EPHA6: variants seen among roughly 807,000 people sequenced by gnomAD.
The protein encoded by EPHA6 is ephrin type-A receptor 6.
A neutral mutation model predicts 112.0 loss-of-function variants in EPHA6; 50 were observed. The ratio of observed to expected loss-of-function variants is 0.45; its 90% CI spans 0.36 to 0.56. The LOEUF (loss-of-function observed/expected upper bound fraction) is 0.56. EPHA6 is among the 20% of genes least tolerant of loss of function. The pLI, the probability that EPHA6 is intolerant of heterozygous loss-of-function variation, is 0.00. For synonymous variants in EPHA6, 529 were observed against 490.7 expected (o/e 1.08, Z -1.03); for missense variants, 1,280 against 1,417.4 (o/e 0.90, Z 1.56).
chr3:97,371,946 G>T (rs911619753), intron 5 of EPHA6, among the ~76,000 whole-genome samples: 53 of 152,108 alleles, frequency 3.5e-4, no homozygotes, highest in Middle Eastern at 3.2e-3. Flanking sequence ...GGTCAGAACG[G>T]TTGTCTGCTC....
intron 3 of EPHA6, among the ~76,000 whole-genome samples, chr3:97,096,723 ATAAT>A (rs1238924259): frequency 6.6e-6 from 1 of 151,960 alleles, no homozygotes; most frequent in Non-Finnish European, 1.5e-5. Flanking sequence ...TAAGTTTTGA[ATAAT>A]AAGGAGTGGT....
intron 16 of EPHA6, among the ~76,000 whole-genome samples, chr3:97,737,229 A>G (rs57982436): frequency 0.067 from 10,240 of 152,118 alleles, 1,094 homozygotes; most frequent in African/African-American, 0.23. Context: ...CAGCCATGGA[A>G]GGATTTTAAG....
chr3:97,380,377 C>T (rs2085655202), intron 5 of EPHA6, among the ~76,000 whole-genome samples: 1 of 152,158 alleles, frequency 6.6e-6, no homozygotes, highest in Admixed American at 6.5e-5. Context: ...CTGGAAGTCA[C>T]TGACCACTTG....
intron 5 of EPHA6, among the ~76,000 whole-genome samples, chr3:97,284,538 T>C (rs1203090329): frequency 1.3e-5 from 2 of 152,182 alleles, no homozygotes; most frequent in Non-Finnish European, 2.9e-5. Context: ...TGTTACTACC[T>C]CTACTCCTCT....
At chr3:97,653,064 T>C (rs2094117395) in intron 14 of EPHA6, among the ~76,000 whole-genome samples, 2 of 152,044 alleles carry the variant, frequency 1.3e-5, no homozygotes, top group Admixed American at 1.3e-4. Flanking sequence ...GCCCCAATAA[T>C]CATACATTTT....
intron 13 of EPHA6, among the ~76,000 whole-genome samples, chr3:97,613,320 G>A (rs191646104): frequency 2.8e-4 from 43 of 152,276 alleles, no homozygotes; most frequent in Admixed American, 5.9e-4. Context: ...GCTTATGTGA[G>A]CACAGGAAGG....
rs200377747 is a variant in EPHA6, at chr3:97,479,402, T to C, written c.2074+38T>C. 17 of 1,430,894 alleles carry C rather than the reference T, an allele frequency of 1.2e-5. No individual in the cohort carries two copies. In the Admixed American group the frequency reaches 3.2e-4, roughly 27 times the overall value. The allele number at this position is 1,430,894 out of a possible 1,614,324, so 88.6% of individuals were successfully genotyped here. ...GGGACTTTCTTTCATTATTTTGTAC[T>C]GTTCCAGCACTTCAGGAGTTCATTC... On this transcript the variant is annotated intron_variant, in intron 9 of 17. Transcript: ENST00000389672.
chr3:97,525,195 T>A (rs2092601919), intron 10 of EPHA6, among the ~76,000 whole-genome samples: 1 of 152,188 alleles, frequency 6.6e-6, no homozygotes, highest in East Asian at 1.9e-4. Context: ...GATCTTTTTT[T>A]AATTCCTCTA....
At chr3:97,500,817 T>G (rs974968007) in intron 10 of EPHA6, among the ~76,000 whole-genome samples, 1 of 152,162 alleles carries the variant, frequency 6.6e-6, no homozygotes, top group Non-Finnish European at 1.5e-5. Context: ...ATTAATCAGT[T>G]CAATAAGGAG....
chr3:97,009,865 T>A (rs1037106546), intron 3 of EPHA6: 1 of 393,660 alleles, frequency 2.5e-6, no homozygotes, highest in South Asian at 1.9e-5. Flanking sequence ...GGCTCTCAGG[T>A]AGGCCACCAC....
intron 2 of EPHA6, among the ~76,000 whole-genome samples, chr3:96,928,791 T>G (rs1297978093): frequency 6.6e-6 from 1 of 152,168 alleles, no homozygotes; most frequent in Non-Finnish European, 1.5e-5. Flanking sequence ...GCTTTATGAA[T>G]CTGGGTGCTC....
At chr3:97,660,306 C>G (rs1215525856) in intron 14 of EPHA6, among the ~76,000 whole-genome samples, 1 of 152,020 alleles carries the variant, frequency 6.6e-6, no homozygotes, top group African/African-American at 2.4e-5. Context: ...AATATAGTTT[C>G]TAATGAAAGT....
chr3:97,047,913 G>A lies in EPHA6; in HGVS notation c.1114+59920G>A, dbSNP rs565428570. On this transcript the variant is annotated intron_variant, in intron 3 of 17. Coordinates refer to ENST00000389672, the MANE Select transcript of EPHA6 (RefSeq NM_001080448.3). ...GGCAGTCATTCACAATGGCATTATT[G>A]ACAAATGAAGTTCCAGGATTGTTCA... Among the ~76,000 whole-genome samples the A allele has an allele frequency of 9.2e-5, 14 of 152,160 alleles. No homozygotes were observed. In the East Asian group the frequency reaches 2.7e-3, roughly 29 times the overall value.
intron 14 of EPHA6, among the ~76,000 whole-genome samples, chr3:97,640,498 G>A (rs1234038684): frequency 1.3e-5 from 2 of 152,118 alleles, no homozygotes; most frequent in Non-Finnish European, 2.9e-5. Flanking sequence ...GGGCACGGTG[G>A]CTCGCGCCTG....
At chr3:97,652,239 C>G (rs970505764) in intron 14 of EPHA6, among the ~76,000 whole-genome samples, 2 of 152,020 alleles carry the variant, frequency 1.3e-5, no homozygotes, top group Non-Finnish European at 2.9e-5. Context: ...TGATAAATAC[C>G]AGACAAACCA....
intron 14 of EPHA6, among the ~76,000 whole-genome samples, chr3:97,683,353 A>T (rs555042323): frequency 6.6e-6 from 1 of 152,292 alleles, no homozygotes; most frequent in South Asian, 2.1e-4. Context: ...AGTACCACTC[A>T]TTTAACAAAA....
chr3:96,921,482 C>G (rs1016561305), intron 2 of EPHA6, among the ~76,000 whole-genome samples: 3 of 151,958 alleles, frequency 2.0e-5, no homozygotes, highest in African/African-American at 7.2e-5. Flanking sequence ...AATGGGTAAT[C>G]TCTCAGTGCC....
chr3:97,369,887 A>C (rs1368664386), intron 5 of EPHA6, among the ~76,000 whole-genome samples: 1 of 152,180 alleles, frequency 6.6e-6, no homozygotes, highest in Admixed American at 6.6e-5. Context: ...TACCAGATAC[A>C]AAAAAATCAA....
At chr3:97,115,685 T>C (rs1185709920) in intron 3 of EPHA6, among the ~76,000 whole-genome samples, 1 of 151,716 alleles carries the variant, frequency 6.6e-6, no homozygotes, top group Non-Finnish European at 1.5e-5. Flanking sequence ...TGGGAATCCA[T>C]TATATTTTAT....
Sources: gnomAD v4.1 joint callset for allele counts (sites outside exome capture counted in the v4.1 genomes callset) on GRCh38, gnomAD v4.1.1 for gene constraint, MANE v1.5 for transcripts, NCBI Gene and HGNC (gene_info 2026-07-23, HGNC 2026-07-21) for gene names.